The following CDH7 variants were observed in gnomAD, a reference collection of about 807,000 sequenced individuals.
CDH7 encodes cadherin-7.
In CDH7, 25 loss-of-function variants were observed where a neutral mutation model predicts 71.8. The ratio of observed to expected loss-of-function variants is 0.35; its 90% CI spans 0.25 to 0.49. The LOEUF is 0.49. CDH7 is among the 20% of genes least tolerant of loss of function. The pLI, the probability that CDH7 is intolerant of heterozygous loss-of-function variation, is 0.99. For missense variants in CDH7, 862 were observed against 974.6 expected (o/e 0.88, Z 1.54); for synonymous variants, 381 against 363.8 (o/e 1.05, Z -0.54).
Position 65,889,213 on chromosome 18 carries a change from T to C in CDH7, c.*8319T>C, listed in dbSNP as rs1914447330. ...GCAGATTCATAAACTTGTTATTGAA[T>C]AGTTGGCACACAAGGGTAGGAGAAA... On this transcript the variant is annotated 3_prime_UTR_variant, in exon 12 of 12. Transcript: ENST00000397968. The C allele has an allele frequency of 6.6e-6, 1 of 152,132 alleles. No homozygotes were observed. Among genetic ancestry groups the C allele is most frequent in the African/African-American group, 2.4e-5 (1 of 41,408 alleles). The allele number at this position is 152,132 out of a possible 1,614,324, so 9.4% of individuals were successfully genotyped here. A position where few individuals can be genotyped will look rare whatever the true frequency, so the allele number is the denominator to read the frequency against.
At chr18:65,858,083 A>C in intron 8 of CDH7, 131 bp downstream of exon 8, 1 of 738,884 alleles carries the variant, frequency 1.4e-6, no homozygotes, top group South Asian at 2.3e-5. Context: ...GAGAATACCA[A>C]ATTTCTAAGC....
At position 65,824,173 on chromosome 18, in the gene CDH7, C is replaced by T. The variant is rs149267456; in HGVS notation, c.794-471C>T. 1.2e-4 allele frequency among the ~76,000 whole-genome samples: 18 copies of T among 151,274 alleles called. 1 individual carries two copies. The highest frequency in any genetic ancestry group is 9.7e-4 in the East Asian group (5 of 5,160). On this transcript the variant is annotated intron_variant, in intron 5 of 11. Transcript: ENST00000397968. ...CTTACCCAGTTTTCTGAAACTCTCT[C>T]GGTAAAAATGCTAAGTAAATTCCAA...
chr18:65,834,895 CA>C (rs1321101400), intron 6 of CDH7, among the ~76,000 whole-genome samples: 1 of 152,208 alleles, frequency 6.6e-6, no homozygotes, highest in Non-Finnish European at 1.5e-5. Flanking sequence ...GTGGTTGTAT[CA>C]ACTACCTTAT....
At position 65,859,650 on chromosome 18, in the gene CDH7, C is replaced by A. The variant is rs1037643088; in HGVS notation, c.1495-58C>A. 7.7e-6 allele frequency: 8 copies of A among 1,039,462 alleles called. No individual in the cohort carries two copies. The African/African-American group carries it at 1.3e-4, about 16-fold the overall frequency. The allele number at this position is 1,039,462 out of a possible 1,614,324, so 64.4% of individuals were successfully genotyped here. A position where few individuals can be genotyped will look rare whatever the true frequency, so the allele number is the denominator to read the frequency against. ...AGTGTAAAATTGCTTTGTCCTGCCA[C>A]AGAAAACTAAGCATAGCACACCAAT... On this transcript the variant is annotated intron_variant, in intron 9 of 11. Transcript: ENST00000397968.
chr18:65,804,699 C>CATGTGTGTGT (rs141411077), intron 2 of CDH7, among the ~76,000 whole-genome samples: 4 of 148,708 alleles, frequency 2.7e-5, no homozygotes, highest in Non-Finnish European at 5.9e-5. Context: ...CCTTAACACA[C>CATGTGTGTGT]GTGTGTGTGT....
chr18:65,809,132 C>G (rs146550040), intron 2 of CDH7, among the ~76,000 whole-genome samples: 123 of 152,040 alleles, frequency 8.1e-4, no homozygotes, highest in Non-Finnish European at 1.4e-3. Flanking sequence ...TTTTTCAGCT[C>G]CAATTTTTAA....
At chr18:65,757,801 T>C (rs1038327974) in intron 1 of CDH7, among the ~76,000 whole-genome samples, 10 of 151,512 alleles carry the variant, frequency 6.6e-5, no homozygotes, top group Non-Finnish European at 1.5e-4. Flanking sequence ...ATTTTTTTTT[T>C]CTGCACTTTT....
intron 5 of CDH7, among the ~76,000 whole-genome samples, chr18:65,823,610 G>A (rs1045934050): frequency 4.6e-5 from 7 of 151,772 alleles, no homozygotes; most frequent in African/African-American, 1.7e-4. Context: ...TATGTGAAAG[G>A]GGTCACTCAA....
intron 6 of CDH7, among the ~76,000 whole-genome samples, chr18:65,830,085 C>T (rs1912283214): frequency 6.6e-6 from 1 of 152,168 alleles, no homozygotes; most frequent in South Asian, 2.1e-4. Flanking sequence ...GAAAGTGGCA[C>T]AGAGGTAATC....
upstream of CDH7, chr18:65,750,933 C>A (rs1013510550): frequency 2.0e-5 from 3 of 152,350 alleles, no homozygotes; most frequent in African/African-American, 7.2e-5. Context: ...GCAGGGTCCC[C>A]GCGCACCGCG....
At chr18:65,806,979 A>G (rs556597001) in intron 2 of CDH7, among the ~76,000 whole-genome samples, 11 of 152,274 alleles carry the variant, frequency 7.2e-5, no homozygotes, top group African/African-American at 2.4e-4. Flanking sequence ...TTAGACTCCA[A>G]GCAATTTTCT....
intron 2 of CDH7, among the ~76,000 whole-genome samples, chr18:65,766,902 AAAAAAAAAAAAAAAAAAAAAG>A (rs2143797718): frequency 1.8e-5 from 1 of 56,798 alleles, no homozygotes; most frequent in African/African-American, 1.3e-4. Context: ...AAAAAAAAAA[AAAAAAAAAAAAAAAAAAAAAG>A]TCTACAAAAC....
chr18:65,791,279 CT>C (rs1253377749), intron 2 of CDH7, among the ~76,000 whole-genome samples: 2 of 152,152 alleles, frequency 1.3e-5, no homozygotes, highest in African/African-American at 4.8e-5. Flanking sequence ...TCGGTCAGCT[CT>C]TTGTGTATAT....
chr18:65,764,002 C>CA (rs1180008260), intron 2 of CDH7, among the ~76,000 whole-genome samples: 1 of 151,978 alleles, frequency 6.6e-6, no homozygotes, highest in Non-Finnish European at 1.5e-5. Context: ...TATATTAGCA[C>CA]AAAATCTGTG....
chr18:65,794,777 C>T (rs1324423037), intron 2 of CDH7, among the ~76,000 whole-genome samples: 1 of 151,902 alleles, frequency 6.6e-6, no homozygotes, highest in Non-Finnish European at 1.5e-5. Flanking sequence ...ATACAGGCTT[C>T]GTTGTTGGGG....
intron 11 of CDH7, among the ~76,000 whole-genome samples, chr18:65,877,791 G>C (rs1016758637): frequency 6.6e-6 from 1 of 152,094 alleles, no homozygotes; most frequent in Non-Finnish European, 1.5e-5. Context: ...GAAACTATGT[G>C]AAAAATTTCA....
At chr18:65,765,991 A>G (rs1269732647) in intron 2 of CDH7, among the ~76,000 whole-genome samples, 1 of 152,138 alleles carries the variant, frequency 6.6e-6, no homozygotes, top group East Asian at 1.9e-4. Context: ...CATATTAATT[A>G]TAAATTAACT....
chr18:65,822,795 A>G lies in CDH7; in HGVS notation c.793+547A>G, dbSNP rs566016430. Among the ~76,000 whole-genome samples, 588 of 152,096 alleles carry G rather than the reference A, an allele frequency of 3.9e-3. 6 individuals are homozygous for G. Among genetic ancestry groups the G allele is most frequent in the African/African-American group, 0.013 (537 of 41,542 alleles). Reference sequence around the variant, plus strand: ...CAAACATTCAGTGTTTTAAAAACCAATCTAAAGAACTAGAAAACCAAATGC... The same window carrying G: ...CAAACATTCAGTGTTTTAAAAACCAGTCTAAAGAACTAGAAAACCAAATGC... On this transcript the variant is annotated intron_variant, in intron 5 of 11. Coordinates refer to ENST00000397968, the MANE Select transcript of CDH7 (RefSeq NM_004361.5).
At chr18:65,858,263 A>G (rs948988015) in intron 8 of CDH7, among the ~76,000 whole-genome samples, 6 of 152,106 alleles carry the variant, frequency 3.9e-5, no homozygotes, top group African/African-American at 1.4e-4. Context: ...AATAACTTAC[A>G]GTAATTAGTA....
Sources: allele counts gnomAD v4.1 joint callset (sites outside exome capture counted in the v4.1 genomes callset), GRCh38; gene constraint gnomAD v4.1.1; transcripts MANE v1.5; gene names NCBI Gene and HGNC (gene_info 2026-07-23, HGNC 2026-07-21).